Variants in LRRC4C observed in about 807,000 individuals in gnomAD.
LRRC4C encodes leucine-rich repeat-containing protein 4C.
LRRC4C carries 5 observed loss-of-function variants against 33.6 expected under a neutral mutation model. That is an observed-to-expected ratio of 0.15 (90% confidence interval 0.08 to 0.31). LRRC4C has a LOEUF of 0.31. Ranked by LOEUF, LRRC4C falls within the 10% of genes least tolerant of loss-of-function variation. LRRC4C has a pLI of 1.00. For missense variants in LRRC4C, 560 were observed against 796.7 expected (o/e 0.70, Z 3.58); for synonymous variants, 329 against 302.0 (o/e 1.09, Z -0.93).
chr11:40,629,950 G>C (rs1457283548), intron 3 of LRRC4C, among the ~76,000 whole-genome samples: 1 of 151,870 alleles, frequency 6.6e-6, no homozygotes, highest in Non-Finnish European at 1.5e-5. Flanking sequence ...TACCAAATTA[G>C]GTTTCCCTAA....
At chr11:41,348,545 G>A (rs1009575172) in intron 1 of LRRC4C, among the ~76,000 whole-genome samples, 7 of 151,494 alleles carry the variant, frequency 4.6e-5, no homozygotes, top group South Asian at 2.1e-4. Context: ...GCCCTCGGGC[G>A]TGAAGCCAAG....
intron 1 of LRRC4C, among the ~76,000 whole-genome samples, chr11:41,274,011 C>A (rs1949401154): frequency 6.6e-6 from 1 of 152,006 alleles, no homozygotes; most frequent in African/African-American, 2.4e-5. Context: ...GAAGCAAGGC[C>A]TGTAGGAATT....
intron 2 of LRRC4C, among the ~76,000 whole-genome samples, chr11:40,843,326 A>C (rs920645843): frequency 1.3e-5 from 2 of 151,956 alleles, no homozygotes; most frequent in Non-Finnish European, 2.9e-5. Context: ...TTGACTGGGA[A>C]CTCCTCGCAG....
At chr11:40,769,223 T>C (rs1356313195) in intron 2 of LRRC4C, among the ~76,000 whole-genome samples, 2 of 152,074 alleles carry the variant, frequency 1.3e-5, no homozygotes, top group Non-Finnish European at 2.9e-5. Flanking sequence ...AGTATTCTCA[T>C]TTACAATAGC....
At chr11:40,626,180 C>T (rs562162303) in intron 3 of LRRC4C, among the ~76,000 whole-genome samples, 97 of 152,094 alleles carry the variant, frequency 6.4e-4, no homozygotes, top group Non-Finnish European at 1.0e-3. Context: ...TTCTGTCCCT[C>T]GAAATTGTTC....
rs181863365 is a variant in LRRC4C, at chr11:41,171,307, G to A, written c.-495-237584C>T. Among the ~76,000 whole-genome samples the A allele has an allele frequency of 9.0e-4, 137 of 152,158 alleles. 3 individuals are homozygous for A. The East Asian group carries it at 0.025, about 27-fold the overall frequency. The stretch of plus-strand genomic sequence containing the variant: ...CTGCTTTAAAGACACACACACACAC[G>A]TATGTTTATTGTGGCACTATTCACA... On this transcript the variant is annotated intron_variant, in intron 1 of 6. Coordinates refer to ENST00000528697, the MANE Select transcript of LRRC4C (RefSeq NM_001258419.2).
intron 1 of LRRC4C, among the ~76,000 whole-genome samples, chr11:41,093,634 T>A (rs191858606): frequency 1.3e-5 from 2 of 152,270 alleles, no homozygotes; most frequent in South Asian, 2.1e-4. Flanking sequence ...CATATCTCTG[T>A]GGTAGCTGTT....
chr11:40,627,264 A>AGG (rs1174622247), intron 3 of LRRC4C, among the ~76,000 whole-genome samples: 1 of 73,572 alleles, frequency 1.4e-5, no homozygotes, highest in Non-Finnish European at 3.0e-5. Context: ...AGAGAGAGAG[A>AGG]GAGAGAGAGA....
At chr11:41,049,857 G>A (rs768393678) in intron 1 of LRRC4C, among the ~76,000 whole-genome samples, 6 of 152,156 alleles carry the variant, frequency 3.9e-5, no homozygotes, top group South Asian at 4.1e-4. Context: ...GTTTCAGAAA[G>A]CAGAGACTTT....
At chr11:40,764,733 GA>G (rs36019924) in intron 2 of LRRC4C, among the ~76,000 whole-genome samples, 89,561 of 151,850 alleles carry the variant, frequency 0.59, 27,249 homozygotes, top group Middle Eastern at 0.69. Flanking sequence ...GCAGCTCAAG[GA>G]GAGAGAAATT....
intron 2 of LRRC4C, among the ~76,000 whole-genome samples, chr11:40,919,567 AT>A (rs1014140615): frequency 1.7e-4 from 26 of 152,092 alleles, no homozygotes; most frequent in African/African-American, 5.1e-4. Flanking sequence ...GTATTCTGTG[AT>A]TATTGGTTTC....
At chr11:40,481,754 G>A (rs1383383143) in intron 3 of LRRC4C, among the ~76,000 whole-genome samples, 1 of 152,024 alleles carries the variant, frequency 6.6e-6, no homozygotes, top group East Asian at 1.9e-4. Flanking sequence ...TTTTTGGTAG[G>A]TGTTTGTTTG....
intron 2 of LRRC4C, among the ~76,000 whole-genome samples, chr11:40,932,459 T>A (rs1258731442): frequency 6.6e-6 from 1 of 152,110 alleles, no homozygotes; most frequent in Non-Finnish European, 1.5e-5. Context: ...ATAGTTTTGC[T>A]TGGATTTTAG....
At chr11:40,216,265 C>A (rs1230185386) in intron 5 of LRRC4C, among the ~76,000 whole-genome samples, 1 of 152,006 alleles carries the variant, frequency 6.6e-6, no homozygotes, top group Admixed American at 6.6e-5. Flanking sequence ...GCATTTCTTC[C>A]ATTTTTAAAT....
At chr11:41,232,762 AC>A (rs1947857183) in intron 1 of LRRC4C, among the ~76,000 whole-genome samples, 1 of 151,640 alleles carries the variant, frequency 6.6e-6, no homozygotes, top group Admixed American at 6.6e-5. Context: ...ACACACACAC[AC>A]ACACACACAC....
intron 2 of LRRC4C, among the ~76,000 whole-genome samples, chr11:40,689,348 C>T (rs1349922784): frequency 6.6e-6 from 1 of 151,946 alleles, no homozygotes. Context: ...CCTCTTTCCT[C>T]TTTGTCTTCT....
In LRRC4C at chr11:41,305,030, C is replaced by T. The variant is rs868793673; in HGVS notation, c.-496+154401G>A. On this transcript the variant is annotated intron_variant, in intron 1 of 6. Transcript: ENST00000528697. ...AGCCCCTCTGCCCGGCCAGCCGCCC[C>T]GTCCGGGAGGGAGGTGGGGGGGGGG... is the stretch of plus-strand genomic sequence containing the variant. Among the ~76,000 whole-genome samples the T allele has an allele frequency of 8.2e-3, 319 of 38,774 alleles. 17 individuals carry two copies. Among genetic ancestry groups the T allele is most frequent in the South Asian group, 0.015 (7 of 458 alleles). 25.4% of individuals were successfully genotyped at this position (38,774 alleles called of 152,430 possible).
At chr11:41,115,375 CTT>C (rs143239776) in intron 1 of LRRC4C, among the ~76,000 whole-genome samples, 3 of 149,912 alleles carry the variant, frequency 2.0e-5, no homozygotes, top group East Asian at 2.0e-4. Flanking sequence ...ATCCCCCCAT[CTT>C]TTTTTTTCTT....
Position 40,114,610 on chromosome 11 carries a change from G to T in LRRC4C, c.1683C>A (p.Ala561=), listed in dbSNP as rs1263847789. Residue 561 remains alanine, a synonymous_variant, in exon 7 of 7, where the codon GCC becomes GCA. Transcript: ENST00000528697. ...RKQHHRQNHH[A]PTRTVEIINV... is the part of the protein sequence containing the mutation. ...TAATAATTTCAACAGTCCTTGTTGG[G>T]GCGTGATGGTTTTGCCGATGGTGCT... The T allele has an allele frequency of 1.2e-6, 2 of 1,614,132 alleles. No individual in the cohort carries two copies. Among genetic ancestry groups the T allele is most frequent in the Non-Finnish European group, 1.7e-6 (2 of 1,180,022 alleles).
Sources: allele counts gnomAD v4.1 joint callset (sites outside exome capture counted in the v4.1 genomes callset), GRCh38; gene constraint gnomAD v4.1.1; transcripts MANE v1.5; gene names NCBI Gene and HGNC (gene_info 2026-07-23, HGNC 2026-07-21).